Variants in PAPSS2 observed in about 807,000 individuals in gnomAD.
PAPSS2 encodes 3'-phosphoadenosine 5'-phosphosulfate synthase 2.
In PAPSS2, 61 loss-of-function variants were observed where a neutral mutation model predicts 66.5. The ratio of observed to expected loss-of-function variants is 0.92; its 90% confidence interval spans 0.75 to 1.14. PAPSS2 has a LOEUF of 1.14. Among genes scored for constraint, PAPSS2 ranks in the 50% most tolerant of loss-of-function variants. The pLI is 0.00. For synonymous variants in PAPSS2, 289 were observed against 287.5 expected, an observed-to-expected ratio of 1.01 and a Z score of -0.05; for missense variants, 708 against 789.6, an observed-to-expected ratio of 0.90 and a Z score of 1.24.
chr10:87,729,655 C>T (rs1343350914), intron 9 of PAPSS2, among the ~76,000 whole-genome samples: 1 of 152,168 alleles, frequency 6.6e-6, no homozygotes, highest in East Asian at 1.9e-4. Flanking sequence ...TCACACATCT[C>T]TCACTTTAAA....
intron 7 of PAPSS2, among the ~76,000 whole-genome samples, chr10:87,721,228 C>T (rs1365076683): frequency 2.6e-5 from 4 of 152,186 alleles, no homozygotes; most frequent in African/African-American, 9.7e-5. Context: ...GAAGCCTAGA[C>T]TTAAATCCAG....
intron 7 of PAPSS2, among the ~76,000 whole-genome samples, chr10:87,721,180 T>C (rs953560780): frequency 6.6e-6 from 1 of 152,218 alleles, no homozygotes; most frequent in Non-Finnish European, 1.5e-5. Flanking sequence ...TTTGTCCACT[T>C]GAGAAAATAT....
intron 7 of PAPSS2, among the ~76,000 whole-genome samples, chr10:87,718,433 G>A (rs568450240): frequency 2.3e-4 from 35 of 152,206 alleles, no homozygotes; most frequent in African/African-American, 5.3e-4. Flanking sequence ...GTCTGTCCCC[G>A]CAAACCCACC....
chr10:87,729,974 A>G (rs1243865955), intron 9 of PAPSS2, among the ~76,000 whole-genome samples: 1 of 152,140 alleles, frequency 6.6e-6, no homozygotes, highest in Non-Finnish European at 1.5e-5. Flanking sequence ...CCAGCCTGCA[A>G]CAAGAGCGAT....
rs923092438 is a variant in PAPSS2, at chr10:87,743,481, T to C, written c.1331T>C (p.Leu444Pro). Reference sequence around the variant, plus strand: ...GAGAGGGGCTACAAGCACCCGGTCCTCCTACTACACCCTCTGGGCGGCTGG... The same window carrying C: ...GAGAGGGGCTACAAGCACCCGGTCCCCCTACTACACCCTCTGGGCGGCTGG... ...LLERGYKHPV[L>P]LLHPLGGWTK... The change falls in exon 11 of 13, where the codon CTC becomes CCC. Residue 444 changes from leucine to proline, a missense_variant. Transcript: ENST00000456849. 11 of 1,614,130 alleles carry C rather than the reference T, an allele frequency of 6.8e-6. No homozygotes were observed. Among genetic ancestry groups the C allele is most frequent in the Non-Finnish European group, 9.3e-6 (11 of 1,180,018 alleles).
intron 1 of PAPSS2, among the ~76,000 whole-genome samples, chr10:87,695,786 CG>C (rs1853225164): frequency 6.6e-6 from 1 of 152,160 alleles, no homozygotes; most frequent in Non-Finnish European, 1.5e-5. Flanking sequence ...AAGCCCTCGT[CG>C]TCATTTTAAA....
chr10:87,724,376 A>G (rs956888138), intron 8 of PAPSS2, among the ~76,000 whole-genome samples: 1 of 151,828 alleles, frequency 6.6e-6, no homozygotes, highest in South Asian at 2.1e-4. Context: ...GCACTAATGT[A>G]ATGGTGCCCT....
At chr10:87,701,120 AG>A (rs1371071284) in intron 1 of PAPSS2, among the ~76,000 whole-genome samples, 1 of 151,540 alleles carries the variant, frequency 6.6e-6, no homozygotes, top group East Asian at 1.9e-4. Context: ...ACATACCAAA[AG>A]GGGAGCAAGT....
At chr10:87,710,338 C>A (rs896819440) in intron 2 of PAPSS2, among the ~76,000 whole-genome samples, 3 of 152,224 alleles carry the variant, frequency 2.0e-5, no homozygotes, top group Non-Finnish European at 4.4e-5. Flanking sequence ...CAACTTTCTG[C>A]AGCCTCCAGT....
At chr10:87,714,948 CA>C (rs1227899948) in intron 5 of PAPSS2, 36 bp from the exon 6 acceptor site, 1 of 1,450,314 alleles carries the variant, frequency 6.9e-7, no homozygotes, top group Non-Finnish European at 9.7e-7. Context: ...ATTCTTTTTA[CA>C]GTTTTCAAGT....
At position 87,709,297 on chromosome 10, in the gene PAPSS2, T is replaced by C. The variant is rs764020618; in HGVS notation, c.129T>C (p.Cys43=). The C allele has an allele frequency of 6.2e-7, 1 of 1,603,882 alleles. No individual in the cohort carries two copies. The highest frequency in any genetic ancestry group is 2.2e-5 in the East Asian group (1 of 44,756). ...VVGTRGGFRG[C]TVWLTGLSGA... ...GAACAAGGGGTGGGTTCCGAGGATGTACCGTGTGGCTAACAGGTATGTCAT... is the reference window on the plus strand; with the variant it reads ...GAACAAGGGGTGGGTTCCGAGGATGCACCGTGTGGCTAACAGGTATGTCAT... The change falls in exon 2 of 13, where the codon TGT becomes TGC. Residue 43 remains cysteine (C), a synonymous_variant. Coordinates refer to ENST00000456849, the MANE Select transcript of PAPSS2 (RefSeq NM_001015880.2).
intron 1 of PAPSS2, among the ~76,000 whole-genome samples, chr10:87,698,608 A>G (rs1037758671): frequency 3.3e-5 from 5 of 152,234 alleles, no homozygotes; most frequent in African/African-American, 1.2e-4. Flanking sequence ...AAGTAAATGC[A>G]TATTGTGAAA....
At chr10:87,741,192 A>G (rs759605264) in intron 9 of PAPSS2, 43 bp from the exon 10 acceptor site, 2 of 1,603,348 alleles carry the variant, frequency 1.2e-6, no homozygotes, top group Non-Finnish European at 1.7e-6. Flanking sequence ...ATAAAATAGA[A>G]ATCACAATTA....
intron 1 of PAPSS2, among the ~76,000 whole-genome samples, chr10:87,672,006 A>G (rs1365233630): frequency 6.6e-6 from 1 of 152,288 alleles, no homozygotes; most frequent in South Asian, 2.1e-4. Context: ...CATGCATAAT[A>G]CCTTTCTTTC....
intron 9 of PAPSS2, among the ~76,000 whole-genome samples, chr10:87,730,709 T>C (rs1005634174): frequency 6.6e-6 from 1 of 152,210 alleles, no homozygotes; most frequent in African/African-American, 2.4e-5. Context: ...TTAACAGATA[T>C]GGAGAAGGTT....
At chr10:87,679,620 G>T (rs1348803530) in intron 1 of PAPSS2, among the ~76,000 whole-genome samples, 2 of 152,012 alleles carry the variant, frequency 1.3e-5, no homozygotes, top group East Asian at 3.9e-4. Context: ...TTTTTTATGT[G>T]TGTTAAAACA....
chr10:87,701,069 T>G (rs2131922256), intron 1 of PAPSS2, among the ~76,000 whole-genome samples: 2 of 151,732 alleles, frequency 1.3e-5, no homozygotes, highest in South Asian at 4.2e-4. Flanking sequence ...AAAATACTCT[T>G]TAATATGATA....
chr10:87,670,569 A>G (rs911086397), intron 1 of PAPSS2, among the ~76,000 whole-genome samples: 13 of 129,722 alleles, frequency 1.0e-4, no homozygotes, highest in Non-Finnish European at 2.0e-4. Context: ...TTGCATAAAA[A>G]GATGGAGCAC....
At chr10:87,709,944 CTG>C (rs1392536919) in intron 2 of PAPSS2, among the ~76,000 whole-genome samples, 1 of 152,134 alleles carries the variant, frequency 6.6e-6, no homozygotes, top group Non-Finnish European at 1.5e-5. Context: ...AATGTCAAAA[CTG>C]AGAATTAGTG....
Sources: gnomAD v4.1 joint callset for allele counts (sites outside exome capture counted in the v4.1 genomes callset) on GRCh38, gnomAD v4.1.1 for gene constraint, MANE v1.5 for transcripts, NCBI Gene and HGNC (gene_info 2026-07-23, HGNC 2026-07-21) for gene names.